ST3GAL3: variants seen among roughly 807,000 people sequenced by gnomAD.
ST3GAL3 encodes CMP-N-acetylneuraminate-beta-1,4-galactoside alpha-2,3-sialyltransferase.
A neutral mutation model predicts 50.1 loss-of-function variants in ST3GAL3; 21 were observed. That is an observed-to-expected ratio of 0.42 (90% CI 0.30 to 0.60). The LOEUF is 0.60. ST3GAL3 is among the 20% of genes least tolerant of loss of function. The pLI is 0.19. For missense variants in ST3GAL3, 353 were observed against 489.4 expected (o/e 0.72, Z 2.63); for synonymous variants, 183 against 190.0 (o/e 0.96, Z 0.30).
chr1:43,874,733 C>A (rs1000007611), intron 5 of ST3GAL3, among the ~76,000 whole-genome samples: 1 of 152,108 alleles, frequency 6.6e-6, no homozygotes, highest in Non-Finnish European at 1.5e-5. Context: ...CACAAATGCA[C>A]GCAAGTAGTG....
At chr1:43,731,900 A>G (rs1676090933) in intron 1 of ST3GAL3, among the ~76,000 whole-genome samples, 1 of 151,072 alleles carries the variant, frequency 6.6e-6, no homozygotes. Flanking sequence ...TTGGTTTAGA[A>G]TTCCTGGGCT....
chr1:43,836,078 T>G (rs771732841), intron 4 of ST3GAL3, among the ~76,000 whole-genome samples: 12 of 152,176 alleles, frequency 7.9e-5, no homozygotes, highest in Non-Finnish European at 1.5e-4. Context: ...TCTCTTCATC[T>G]TTCTAGGCCT....
At chr1:43,800,708 G>C (rs1025025151) in intron 3 of ST3GAL3, among the ~76,000 whole-genome samples, 9 of 152,092 alleles carry the variant, frequency 5.9e-5, no homozygotes, top group African/African-American at 2.2e-4. Context: ...CTGCCTCATG[G>C]GGCTGTATAG....
intron 6 of ST3GAL3, among the ~76,000 whole-genome samples, chr1:43,894,836 T>C (rs1266934727): frequency 1.3e-5 from 2 of 152,064 alleles, no homozygotes; most frequent in African/African-American, 4.8e-5. Flanking sequence ...GGTTTTACCA[T>C]GTTGCCCAGG....
At chr1:43,712,882 T>C (rs1414207456) in intron 1 of ST3GAL3, among the ~76,000 whole-genome samples, 1 of 151,962 alleles carries the variant, frequency 6.6e-6, no homozygotes, top group African/African-American at 2.4e-5. Context: ...CAAGAATAGA[T>C]TGTGAAGGTC....
intron 1 of ST3GAL3, among the ~76,000 whole-genome samples, chr1:43,728,636 A>G (rs1300363900): frequency 2.0e-5 from 3 of 152,258 alleles, no homozygotes; most frequent in Middle Eastern, 6.8e-3. Context: ...CTATGGTCCT[A>G]CCTACTTGGG....
chr1:43,738,100 C>G (rs1462206017), intron 2 of ST3GAL3: 1 of 151,776 alleles, frequency 6.6e-6, no homozygotes. Context: ...TAATATTCTA[C>G]CTGGTAAAAA....
At chr1:43,817,392 CCTCCTTTTT>C (rs755062759) in intron 4 of ST3GAL3, among the ~76,000 whole-genome samples, 27,737 of 94,670 alleles carry the variant, frequency 0.29, 3,259 homozygotes, top group African/African-American at 0.44. Context: ...TTCTTCTTCT[CCTCCTTTTT>C]CTCCTTCTTC....
At chr1:43,853,770 A>G (rs1196849335) in intron 5 of ST3GAL3, among the ~76,000 whole-genome samples, 1 of 152,222 alleles carries the variant, frequency 6.6e-6, no homozygotes, top group East Asian at 1.9e-4. Context: ...AATCATTGCT[A>G]TGGTCCAAGC....
rs546304488 is a variant in ST3GAL3, at chr1:43,922,812, A to G, written c.1038+1884A>G. On this transcript the variant is annotated intron_variant, in intron 11 of 11. Coordinates refer to ENST00000347631, the MANE Select transcript of ST3GAL3 (RefSeq NM_006279.5). ...AAGACTGTCTCAAAAAAGAAAAAAA[A>G]AAAAAAAGGCCAGGCATGGTGGCTC... 6.9e-5 allele frequency among the ~76,000 whole-genome samples: 10 copies of G among 145,462 alleles called. No homozygotes were observed. The East Asian group carries it at 2.1e-3, about 30-fold the overall frequency.
intron 1 of ST3GAL3, among the ~76,000 whole-genome samples, chr1:43,713,801 G>A (rs114643651): frequency 1.9e-3 from 288 of 152,246 alleles, no homozygotes; most frequent in African/African-American, 6.4e-3. Context: ...CTCCCGAAGC[G>A]CTGGGTTTAC....
intron 2 of ST3GAL3, among the ~76,000 whole-genome samples, chr1:43,781,573 T>A (rs1238437955): frequency 6.7e-6 from 1 of 149,560 alleles, no homozygotes; most frequent in Non-Finnish European, 1.5e-5. Context: ...ATCACGACAC[T>A]GCACTCCAGC....
chr1:43,858,219 A>G (rs2069001594), intron 5 of ST3GAL3: 1 of 1,289,388 alleles, frequency 7.8e-7, no homozygotes, highest in South Asian at 1.2e-5. Flanking sequence ...TTGTGGGGAC[A>G]CAGAGAAGGC....
At chr1:43,904,999 T>C (rs1370848017) in intron 9 of ST3GAL3, among the ~76,000 whole-genome samples, 12 of 91,462 alleles carry the variant, frequency 1.3e-4, no homozygotes, top group African/African-American at 3.8e-4. Flanking sequence ...TTCCCCCTCC[T>C]CCTGCTCCTC....
Position 43,899,574 on chromosome 1 carries a change from G to A in ST3GAL3, c.591G>A (p.Lys197=). Residue 197 remains lysine (K), a synonymous_variant, in exon 9 of 12, where the codon AAG becomes AAA. Coordinates refer to ENST00000347631, the MANE Select transcript of ST3GAL3 (RefSeq NM_006279.5). The surrounding 1 kb of genome is among the most constrained non-coding windows in gnomAD (Gnocchi z 5.4). ...CAGCACCAGTGAAAGGCTTTGAGAA[G>A]GACGTGGGCAGCAAAACGACACTGC... ...LNSAPVKGFE[K]DVGSKTTLRI... is the part of the protein sequence containing the mutation. 6.2e-7 allele frequency: 1 copy of A among 1,613,944 alleles called. No individual in the cohort carries two copies. The highest frequency in any genetic ancestry group is 8.5e-7 in the Non-Finnish European group (1 of 1,180,032).
chr1:43,853,131 T>C (rs1213817588), intron 5 of ST3GAL3, among the ~76,000 whole-genome samples: 2 of 152,218 alleles, frequency 1.3e-5, no homozygotes, highest in East Asian at 3.9e-4. Context: ...AAAGACATGA[T>C]TGAGTGTTGT....
At chr1:43,879,269 C>G (rs2074676015) in intron 5 of ST3GAL3, 2 of 456,120 alleles carry the variant, frequency 4.4e-6, no homozygotes, top group Non-Finnish European at 8.8e-6. Context: ...GGAGGAGGAT[C>G]TGGGGTGAGG....
intron 2 of ST3GAL3, among the ~76,000 whole-genome samples, chr1:43,761,361 A>T (rs1690264926): frequency 6.6e-6 from 1 of 151,836 alleles, no homozygotes; most frequent in Non-Finnish European, 1.5e-5. Flanking sequence ...TGAGCATTTG[A>T]TGAAATTAAG....
intron 5 of ST3GAL3, among the ~76,000 whole-genome samples, chr1:43,882,639 A>C (rs1385441879): frequency 6.6e-6 from 1 of 152,222 alleles, no homozygotes; most frequent in Non-Finnish European, 1.5e-5. Flanking sequence ...AAAGGGCCAG[A>C]TAGTAGATGT....
Sources: allele counts gnomAD v4.1 joint callset (sites outside exome capture counted in the v4.1 genomes callset), GRCh38; gene constraint gnomAD v4.1.1; non-coding constraint Gnocchi (gnomAD v3.1); transcripts MANE v1.5; gene names NCBI Gene and HGNC (gene_info 2026-07-23, HGNC 2026-07-21).